The following SEMA4B variants were observed in gnomAD, a reference collection of about 807,000 sequenced individuals.
SEMA4B encodes the protein semaphorin 4B.
SEMA4B carries 55 observed loss-of-function variants against 88.1 expected under a neutral mutation model. The observed-to-expected ratio is 0.62, with a 90% CI of 0.50 to 0.78. The LOEUF (loss-of-function observed/expected upper bound fraction) is 0.78, where lower values mean the gene tolerates loss of function less well. SEMA4B is among the 30% of genes least tolerant of loss of function. SEMA4B has a pLI of 0.00. For missense variants in SEMA4B, 1,062 were observed against 1,111.9 expected (o/e 0.96, Z 0.64); for synonymous variants, 525 against 473.6 (o/e 1.11, Z -1.41).
chr15:90,226,379 C>T (rs1295815620), intron 12 of SEMA4B, among the ~76,000 whole-genome samples: 3 of 152,152 alleles, frequency 2.0e-5, no homozygotes, highest in South Asian at 2.1e-4. Context: ...CTCGCTCTGT[C>T]GCCCAGGCTG....
intron 1 of SEMA4B, among the ~76,000 whole-genome samples, chr15:90,205,126 C>T (rs943945612): frequency 7.9e-5 from 12 of 152,244 alleles, no homozygotes; most frequent in Non-Finnish European, 1.6e-4. Flanking sequence ...GGCGGGAAAG[C>T]TCTGGACGCA....
rs371308196 is a variant in SEMA4B at position 90,227,587 on chromosome 15, C to T, written c.1719C>T (p.Ser573=). Residue 573 remains serine (S), a synonymous_variant, in exon 13 of 14, where the codon AGC becomes AGT. Transcript: ENST00000411539. ...RPWIQDIEGA[S]AKDLCSASSV... is the part of the protein sequence containing the mutation. ...GGATCCAGGACATCGAGGGAGCCAG[C>T]GCCAAGGACCTTTGCAGCGCGTCTT... The T allele has an allele frequency of 1.9e-5, 30 of 1,613,872 alleles. No homozygotes were observed. The highest frequency in any genetic ancestry group is 2.2e-5 in the Non-Finnish European group (26 of 1,179,874).
intron 1 of SEMA4B, among the ~76,000 whole-genome samples, chr15:90,192,507 G>C (rs1438443279): frequency 6.6e-6 from 1 of 152,146 alleles, no homozygotes; most frequent in African/African-American, 2.4e-5. Flanking sequence ...TACTGGGCAG[G>C]GTAGAGAAGC....
upstream of SEMA4B, among the ~76,000 whole-genome samples, chr15:90,198,172 C>A (rs1960577620): frequency 1.3e-5 from 2 of 152,014 alleles, no homozygotes. Context: ...CTGCCTCGGC[C>A]TCCTAAAGTG....
chr15:90,209,579 A>T (rs1961159343), intron 1 of SEMA4B, among the ~76,000 whole-genome samples: 1 of 151,902 alleles, frequency 6.6e-6, no homozygotes. Flanking sequence ...AAAAAAAAAG[A>T]GAGAAGAGCG....
chr15:90,227,535 C>T (rs1962232604), intron 12 of SEMA4B, 22 bp from the exon 13 acceptor site: 2 of 1,612,638 alleles, frequency 1.2e-6, no homozygotes, highest in African/African-American at 2.7e-5. Flanking sequence ...TGGCCAATCC[C>T]AGAATTCTCT....
chr15:90,227,527 G>A, intron 12 of SEMA4B, 30 bp from the exon 13 acceptor site: 1 of 1,609,200 alleles, frequency 6.2e-7, no homozygotes, highest in Non-Finnish European at 8.5e-7. Context: ...GGACTTCCTG[G>A]CCAATCCCAG....
Position 90,228,132 on chromosome 15 carries a change from C to T in SEMA4B, c.2003C>T (p.Ala668Val). The change falls in exon 14 of 14, where the codon GCC becomes GTC. Residue 668 changes from alanine to valine, a missense_variant. Ala to Val is a moderately conservative substitution (Grantham distance 64). Coordinates refer to ENST00000411539, the MANE Select transcript of SEMA4B (RefSeq NM_198925.4). ...SLEEGFQQLV[A>V]SYCPEVVEDG... ...GAGGAGGGCTTCCAGCAGCTGGTAGCCAGCTACTGCCCAGAGGTGGTGGAG... is the reference window on the plus strand; with the variant it reads ...GAGGAGGGCTTCCAGCAGCTGGTAGTCAGCTACTGCCCAGAGGTGGTGGAG... 1.9e-6 allele frequency: 3 copies of T among 1,611,292 alleles called. No individual in the cohort carries two copies. The East Asian group carries it at 6.7e-5, about 36-fold the overall frequency.
chr15:90,199,978 G>A (rs1960644723), upstream of SEMA4B, among the ~76,000 whole-genome samples: 1 of 152,196 alleles, frequency 6.6e-6, no homozygotes, highest in Non-Finnish European at 1.5e-5. Context: ...GTGGGTGCTT[G>A]GTGCTGTCCA....
At chr15:90,186,762 T>C (rs1201653940) in intron 1 of SEMA4B, among the ~76,000 whole-genome samples, 1 of 152,016 alleles carries the variant, frequency 6.6e-6, no homozygotes, top group Non-Finnish European at 1.5e-5. Context: ...TGAAACCCCG[T>C]CTCTACTAAA....
Position 90,229,210 on chromosome 15 carries a change from C to T in SEMA4B, c.*567C>T, listed in dbSNP as rs772332892. ...AGTTGTTGCTGCCGTCGTCCCACCA[C>T]CTCAGGGACCAGAGGGCTAGGTTGG... On this transcript the variant is annotated 3_prime_UTR_variant, in exon 14 of 14. Coordinates refer to ENST00000411539, the MANE Select transcript of SEMA4B (RefSeq NM_198925.4). 9 of 427,258 alleles carry T rather than the reference C, an allele frequency of 2.1e-5. No homozygotes were observed. The allele number at this position is 427,258 out of a possible 1,614,324, so 26.5% of individuals were successfully genotyped here.
chr15:90,196,961 T>C (rs528709989), upstream of SEMA4B, among the ~76,000 whole-genome samples: 1 of 152,372 alleles, frequency 6.6e-6, no homozygotes, highest in Admixed American at 6.5e-5. Flanking sequence ...CTGGTTCCGA[T>C]GTCCTTTGGA....
At chr15:90,226,928 T>TTA (rs1567063418) in intron 12 of SEMA4B, among the ~76,000 whole-genome samples, 1 of 150,668 alleles carries the variant, frequency 6.6e-6, no homozygotes, top group East Asian at 1.9e-4. Context: ...GTGCACTGTT[T>TTA]AAAAAAAAAG....
At chr15:90,194,580 T>C (rs1222825539) in intron 1 of SEMA4B, among the ~76,000 whole-genome samples, 3 of 151,628 alleles carry the variant, frequency 2.0e-5, no homozygotes, top group African/African-American at 7.3e-5. Context: ...TTGATGGAGG[T>C]CTCTAGTGGC....
chr15:90,207,388 T>A (rs147627847), intron 1 of SEMA4B, among the ~76,000 whole-genome samples: 2 of 152,288 alleles, frequency 1.3e-5, no homozygotes, highest in Admixed American at 6.5e-5. Context: ...CCAACTCGTG[T>A]CCTCTTTTTT....
At chr15:90,199,773 T>C (rs890386444), upstream of SEMA4B, among the ~76,000 whole-genome samples, 8 of 151,254 alleles carry the variant, frequency 5.3e-5, no homozygotes, top group African/African-American at 1.9e-4. Context: ...TTGCAGTGAG[T>C]GGAGATTGCA....
upstream of SEMA4B, among the ~76,000 whole-genome samples, chr15:90,200,370 T>C (rs1209868861): frequency 6.6e-6 from 1 of 152,260 alleles, no homozygotes; most frequent in Non-Finnish European, 1.5e-5. Context: ...GAGGAACTAC[T>C]ACATTTTTCT....
chr15:90,187,788 C>T (rs528116782), intron 1 of SEMA4B, among the ~76,000 whole-genome samples: 3 of 152,180 alleles, frequency 2.0e-5, no homozygotes, highest in Middle Eastern at 3.4e-3. Context: ...AGGCAGATCA[C>T]GAGGTCAGGA....
Position 90,212,857 on chromosome 15 carries a change from T to G in SEMA4B, c.158-4582T>G, listed in dbSNP as rs1463223269. 6.6e-6 allele frequency among the ~76,000 whole-genome samples: 1 copy of G among 152,164 alleles called. No individual in the cohort carries two copies. Among genetic ancestry groups the G allele is most frequent in the Non-Finnish European group, 1.5e-5 (1 of 68,024 alleles). ...CCGTCTGGCTTTGGCCATGAGACCCTCGTGTGACCAGGTGCGTGCCTAAGT... is the reference window on the plus strand; with the variant it reads ...CCGTCTGGCTTTGGCCATGAGACCCGCGTGTGACCAGGTGCGTGCCTAAGT... On this transcript the variant is annotated intron_variant, in intron 1 of 13. Transcript: ENST00000411539. This position sits in a 1 kb window ranked among gnomAD's most constrained non-coding sequence, Gnocchi z 4.0.
Sources: allele counts gnomAD v4.1 joint callset (sites outside exome capture counted in the v4.1 genomes callset), GRCh38; gene constraint gnomAD v4.1.1; non-coding constraint Gnocchi (gnomAD v3.1); transcripts MANE v1.5; gene names NCBI Gene and HGNC (gene_info 2026-07-23, HGNC 2026-07-21).